RBFOX1: variants seen among roughly 807,000 people sequenced by gnomAD.
RBFOX1 encodes RNA binding protein fox-1 homolog 1.
A neutral mutation model predicts 57.7 loss-of-function variants in RBFOX1; 8 were observed. The observed-to-expected ratio is 0.14, with a 90% CI of 0.08 to 0.25. The LOEUF (loss-of-function observed/expected upper bound fraction) is 0.25. Ranked by LOEUF, RBFOX1 falls within the 10% of genes least tolerant of loss-of-function variation. RBFOX1 has a pLI of 1.00. For missense variants in RBFOX1, 611 were observed against 548.5 expected (o/e 1.11, Z -1.14); for synonymous variants, 326 against 222.4 (o/e 1.47, Z -4.15).
At position 7,532,238 on chromosome 16, in the gene RBFOX1, T is replaced by A. The variant is rs369965892; in HGVS notation, c.270+13849T>A. ...CCTCTAATTGGCTTGCAAGTGGGAG[T>A]TGGGTTAGCAGTTATGCCGGGAGTT... On this transcript the variant is annotated intron_variant, in intron 5 of 15. Transcript: ENST00000550418. Among the ~76,000 whole-genome samples, 6 of 149,868 alleles carry A rather than the reference T, an allele frequency of 4.0e-5. No homozygotes were observed. In the East Asian group the frequency reaches 6.0e-4, roughly 15 times the overall value.
chr16:6,757,176 A>G (rs1318802669), intron 3 of RBFOX1, among the ~76,000 whole-genome samples: 2 of 152,206 alleles, frequency 1.3e-5, no homozygotes, highest in Non-Finnish European at 2.9e-5. Context: ...GAGAAAAGGG[A>G]ACTTTTATGC....
At chr16:6,925,381 T>G in intron 3 of RBFOX1, among the ~76,000 whole-genome samples, 1 of 151,850 alleles carries the variant, frequency 6.6e-6, no homozygotes, top group Non-Finnish European at 1.5e-5. Context: ...TGCCTTGGTC[T>G]CCGAACGTGC....
chr16:6,401,836 A>T (rs2093081662), intron 2 of RBFOX1, among the ~76,000 whole-genome samples: 2 of 152,004 alleles, frequency 1.3e-5, no homozygotes, highest in South Asian at 2.1e-4. Context: ...CATTTATGGG[A>T]TCCATTTTAT....
chr16:7,057,584 G>A (rs896239298), intron 4 of RBFOX1, among the ~76,000 whole-genome samples: 2 of 152,312 alleles, frequency 1.3e-5, no homozygotes, highest in African/African-American at 4.8e-5. Context: ...GCTTAGTCTG[G>A]ATCAGTTGTT....
At chr16:6,889,464 G>A (rs910718169) in intron 3 of RBFOX1, among the ~76,000 whole-genome samples, 2 of 152,202 alleles carry the variant, frequency 1.3e-5, no homozygotes, top group African/African-American at 4.8e-5. Context: ...TTTGAGAAAT[G>A]GGCTTTTAGC....
chr16:7,701,890 T>C (rs1314763755), intron 14 of RBFOX1, among the ~76,000 whole-genome samples: 1 of 152,190 alleles, frequency 6.6e-6, no homozygotes, highest in Non-Finnish European at 1.5e-5. Context: ...CAAGTAGTTA[T>C]GTTAATGCTT....
intron 3 of RBFOX1, among the ~76,000 whole-genome samples, chr16:6,683,367 A>G (rs1166589666): frequency 1.3e-5 from 2 of 152,164 alleles, no homozygotes; most frequent in Admixed American, 6.5e-5. Flanking sequence ...GGTGTGATTC[A>G]TGGAATTGTG....
intron 3 of RBFOX1, among the ~76,000 whole-genome samples, chr16:6,918,862 C>G (rs1480231723): frequency 6.6e-6 from 1 of 152,124 alleles, no homozygotes; most frequent in Non-Finnish European, 1.5e-5. Flanking sequence ...AGGCTTGGCC[C>G]TTACCTGATG....
At chr16:6,666,531 C>G (rs1452961284) in intron 3 of RBFOX1, among the ~76,000 whole-genome samples, 2 of 134,882 alleles carry the variant, frequency 1.5e-5, no homozygotes, top group Non-Finnish European at 3.1e-5. Context: ...CAGAGTAAGA[C>G]TCTGTCTCCA....
intron 2 of RBFOX1, among the ~76,000 whole-genome samples, chr16:5,508,374 G>A (rs1246123075): frequency 6.6e-6 from 1 of 152,182 alleles, no homozygotes; most frequent in Non-Finnish European, 1.5e-5. Flanking sequence ...GCCACTTGTT[G>A]CATCCCAGCT....
chr16:5,856,156 T>C (rs1378537099), intron 3 of RBFOX1, among the ~76,000 whole-genome samples: 1 of 35,622 alleles, frequency 2.8e-5, no homozygotes, highest in African/African-American at 2.6e-4. Context: ...TATGGTTCTC[T>C]CTCTCTCTCT....
intron 3 of RBFOX1, among the ~76,000 whole-genome samples, chr16:7,033,823 G>C (rs2043468976): frequency 6.6e-6 from 1 of 151,992 alleles, no homozygotes. Context: ...AAACAAATTA[G>C]CCCACTAGAG....
chr16:6,790,634 A>G (rs1187850232), intron 3 of RBFOX1, among the ~76,000 whole-genome samples: 1 of 152,104 alleles, frequency 6.6e-6, no homozygotes, highest in South Asian at 2.1e-4. Context: ...TACTGTAGTT[A>G]GGACTCTGAG....
intron 3 of RBFOX1, among the ~76,000 whole-genome samples, chr16:6,993,566 G>A (rs1596357326): frequency 6.6e-6 from 1 of 152,204 alleles, no homozygotes; most frequent in East Asian, 1.9e-4. Context: ...TTCTACATAG[G>A]GAGGCAAGAG....
intron 3 of RBFOX1, among the ~76,000 whole-genome samples, chr16:6,754,457 T>G (rs1425930786): frequency 6.6e-6 from 1 of 152,206 alleles, no homozygotes; most frequent in Non-Finnish European, 1.5e-5. Flanking sequence ...CTCTTTCCTT[T>G]TGTTTCTTCC....
intron 4 of RBFOX1, among the ~76,000 whole-genome samples, chr16:7,129,280 C>A (rs553085959): frequency 2.0e-5 from 3 of 152,022 alleles, no homozygotes; most frequent in Non-Finnish European, 4.4e-5. Context: ...TCATTTTGGC[C>A]AGGAAAACAA....
intron 3 of RBFOX1, among the ~76,000 whole-genome samples, chr16:6,697,281 C>T (rs1306512352): frequency 6.6e-6 from 1 of 152,070 alleles, no homozygotes; most frequent in Non-Finnish European, 1.5e-5. Flanking sequence ...AGTCCTTTTC[C>T]ACCCACTGTA....
intron 4 of RBFOX1, among the ~76,000 whole-genome samples, chr16:7,195,742 G>A (rs897755440): frequency 3.3e-5 from 5 of 151,990 alleles, no homozygotes; most frequent in African/African-American, 9.7e-5. Context: ...TAGTAGAAAC[G>A]GGATTTCACC....
At chr16:6,954,064 C>A (rs139299870) in intron 3 of RBFOX1, among the ~76,000 whole-genome samples, 1 of 152,170 alleles carries the variant, frequency 6.6e-6, no homozygotes, top group Non-Finnish European at 1.5e-5. Flanking sequence ...GAGAACTTCT[C>A]TGTCAACAAG....
Sources: allele counts gnomAD v4.1 joint callset (sites outside exome capture counted in the v4.1 genomes callset), GRCh38; gene constraint gnomAD v4.1.1; transcripts MANE v1.5; gene names NCBI Gene and HGNC (gene_info 2026-07-23, HGNC 2026-07-21).